The following CFAP299 variants were observed in gnomAD, a reference collection of about 807,000 sequenced individuals.
CFAP299 encodes the protein cilia and flagella associated protein 299, also known as cilia- and flagella-associated protein 299.
In CFAP299, 21 loss-of-function variants were observed where a neutral mutation model predicts 27.0. The ratio of observed to expected loss-of-function variants is 0.78; its 90% CI spans 0.55 to 1.12. CFAP299 has a LOEUF of 1.12. Ranked by LOEUF, CFAP299 falls within the 50% of genes most tolerant of loss-of-function variation. The pLI, the probability that CFAP299 is intolerant of heterozygous loss-of-function variation, is 0.00. For missense variants in CFAP299, 310 were observed against 276.6 expected, an observed-to-expected ratio of 1.12 and a Z score of -0.86; for synonymous variants, 104 against 98.1, an observed-to-expected ratio of 1.06 and a Z score of -0.36.
At chr4:80,722,622 C>T (rs189349416) in intron 3 of CFAP299, among the ~76,000 whole-genome samples, 42 of 152,132 alleles carry the variant, frequency 2.8e-4, no homozygotes, top group East Asian at 1.2e-3. Context: ...AAAATTCGGC[C>T]GGGCGCTGTG....
intron 4 of CFAP299, among the ~76,000 whole-genome samples, chr4:80,930,702 C>T (rs1736570869): frequency 6.6e-6 from 1 of 152,148 alleles, no homozygotes; most frequent in African/African-American, 2.4e-5. Flanking sequence ...CTCAGACACA[C>T]CTGCTTACAC....
At chr4:80,519,278 C>G (rs1445733560) in intron 2 of CFAP299, among the ~76,000 whole-genome samples, 2 of 152,106 alleles carry the variant, frequency 1.3e-5, no homozygotes, top group Admixed American at 1.3e-4. Context: ...ACGATCTTGG[C>G]TCACTGCGAT....
At chr4:80,954,997 C>CAAA (rs758937079) in intron 5 of CFAP299, among the ~76,000 whole-genome samples, 1 of 50,290 alleles carries the variant, frequency 2.0e-5, no homozygotes, top group African/African-American at 1.3e-4. Flanking sequence ...AAGACTCCAT[C>CAAA]AAAAAAAAAA....
intron 3 of CFAP299, among the ~76,000 whole-genome samples, chr4:80,819,042 A>G (rs1266852829): frequency 6.6e-6 from 1 of 152,064 alleles, no homozygotes; most frequent in African/African-American, 2.4e-5. Context: ...AGAACTGGAG[A>G]GATGTGATTT....
chr4:80,446,125 G>A (rs868454747), intron 2 of CFAP299, among the ~76,000 whole-genome samples: 2 of 152,176 alleles, frequency 1.3e-5, no homozygotes, highest in Admixed American at 6.5e-5. Context: ...GAAGAAGAGA[G>A]AGGAAGGATT....
chr4:80,417,841 C>T (rs1175014137), intron 2 of CFAP299, among the ~76,000 whole-genome samples: 1 of 151,640 alleles, frequency 6.6e-6, no homozygotes, highest in South Asian at 2.1e-4. Flanking sequence ...TTCACCATCC[C>T]AGGCCCTTTT....
the CFAP299 span, among the ~76,000 whole-genome samples, chr4:80,327,690 T>TTTTATA: frequency 0.023 from 1,194 of 51,190 alleles, 68 homozygotes; most frequent in African/African-American, 0.065. Flanking sequence ...TAGAGAGAAG[T>TTTTATA]TATATATATA....
intron 2 of CFAP299, among the ~76,000 whole-genome samples, chr4:80,527,303 T>TTA (rs1553931326): frequency 6.6e-6 from 1 of 151,852 alleles, no homozygotes; most frequent in African/African-American, 2.4e-5. Context: ...GGTTTTTTTT[T>TTA]AAATAATAAA....
Position 80,679,257 on chromosome 4 carries a change from T to G in CFAP299, c.333+96074T>G, listed in dbSNP as rs181625727. On this transcript the variant is annotated intron_variant, in intron 3 of 5. Transcript: ENST00000358105. ...TGTAGGAACGCTTTATTCCTTTACA[T>G]TGATGAGTAGTATTCCATTGTGTCG... is the stretch of plus-strand genomic sequence containing the variant. Among the ~76,000 whole-genome samples the G allele has an allele frequency of 5.9e-5, 9 of 152,206 alleles. No homozygotes were observed. In the East Asian group the frequency reaches 1.7e-3, roughly 29 times the overall value.
In CFAP299 at chr4:80,415,408, T is replaced by C. The variant is rs189376741; in HGVS notation, c.242+52524T>C. 1.1e-3 allele frequency among the ~76,000 whole-genome samples: 170 copies of C among 152,334 alleles called. 1 individual carries two copies. The highest frequency in any genetic ancestry group is 7.1e-4 in the Non-Finnish European group (48 of 68,024). On this transcript the variant is annotated intron_variant, in intron 2 of 5. Coordinates refer to ENST00000358105, the MANE Select transcript of CFAP299 (RefSeq NM_152770.3). Reference sequence around the variant, plus strand: ...ATTCATTGCTTCTTGTACAGTGTAGTCAAGTACTAATTTGTGTATCAATCT... The same window carrying C: ...ATTCATTGCTTCTTGTACAGTGTAGCCAAGTACTAATTTGTGTATCAATCT...
In CFAP299 at chr4:80,467,718, T is replaced by G. The variant is rs546251100; in HGVS notation, c.242+104834T>G. ...TGGATGTGTTAGTTCATTTTCACAC[T>G]GCTATAAAGAAATACCTAAGGCTGG... On this transcript the variant is annotated intron_variant, in intron 2 of 5. Coordinates refer to ENST00000358105, the MANE Select transcript of CFAP299 (RefSeq NM_152770.3). 1.3e-5 allele frequency among the ~76,000 whole-genome samples: 2 copies of G among 152,334 alleles called. 1 individual carries two copies. The highest frequency in any genetic ancestry group is 4.1e-4 in the South Asian group (2 of 4,822).
intron 1 of CFAP299, among the ~76,000 whole-genome samples, chr4:80,343,480 A>G (rs1230859829): frequency 1.3e-5 from 2 of 152,316 alleles, no homozygotes; most frequent in South Asian, 2.1e-4. Context: ...CTATCAGACC[A>G]CAGTGCAATC....
intron 3 of CFAP299, among the ~76,000 whole-genome samples, chr4:80,622,633 A>G (rs1738667575): frequency 6.6e-6 from 1 of 152,236 alleles, no homozygotes; most frequent in African/African-American, 2.4e-5. Flanking sequence ...AAATGGGTTT[A>G]TATTTAAAGT....
chr4:80,859,502 G>A (rs1732168716), intron 3 of CFAP299, among the ~76,000 whole-genome samples: 1 of 151,964 alleles, frequency 6.6e-6, no homozygotes. Flanking sequence ...TTTCTTCCTA[G>A]TCTCGATGGT....
chr4:80,512,171 C>A (rs1038053552), intron 2 of CFAP299, among the ~76,000 whole-genome samples: 3 of 151,850 alleles, frequency 2.0e-5, no homozygotes, highest in South Asian at 2.1e-4. Context: ...AGTAAAAAAT[C>A]AATTTCACTT....
chr4:80,727,939 A>G (rs1205585992), intron 3 of CFAP299, among the ~76,000 whole-genome samples: 2 of 151,842 alleles, frequency 1.3e-5, no homozygotes, highest in African/African-American at 4.8e-5. Context: ...ATGCTTATAA[A>G]TATATTAATA....
chr4:80,455,635 GA>G (rs879256391), intron 2 of CFAP299, among the ~76,000 whole-genome samples: 117 of 147,500 alleles, frequency 7.9e-4, no homozygotes, highest in Middle Eastern at 3.5e-3. Flanking sequence ...TGTAGAGAGT[GA>G]AAAAAAAAAG....
At chr4:80,694,139 T>C (rs1222018082) in intron 3 of CFAP299, among the ~76,000 whole-genome samples, 1 of 152,250 alleles carries the variant, frequency 6.6e-6, no homozygotes, top group Non-Finnish European at 1.5e-5. Flanking sequence ...AAGTCACATG[T>C]GCAGTGCATT....
intron 2 of CFAP299, among the ~76,000 whole-genome samples, chr4:80,453,841 AAATAATAATAATAATAATAAT>A (rs10692004): frequency 1.5e-4 from 20 of 135,990 alleles, no homozygotes; most frequent in African/African-American, 5.4e-4. Flanking sequence ...ACCCTGTCTC[AAATAATAATAATAATAATAAT>A]AATAATAATA....
Sources: allele counts gnomAD v4.1 joint callset (sites outside exome capture counted in the v4.1 genomes callset), GRCh38; gene constraint gnomAD v4.1.1; transcripts MANE v1.5; gene names NCBI Gene and HGNC (gene_info 2026-07-23, HGNC 2026-07-21).